Variants in EEA1 observed in about 807,000 individuals in gnomAD.
EEA1 encodes early endosome antigen 1, 162kD.
A neutral mutation model predicts 209.2 loss-of-function variants in EEA1; 111 were observed. The ratio of observed to expected loss-of-function variants is 0.53; its 90% CI spans 0.45 to 0.62. The LOEUF is 0.62. EEA1 is among the 20% of genes least tolerant of loss of function. The pLI is 0.00. For synonymous variants in EEA1, 536 were observed against 540.6 expected (o/e 0.99, Z 0.12); for missense variants, 1,343 against 1,530.8 (o/e 0.88, Z 2.05).
intron 1 of EEA1, among the ~76,000 whole-genome samples, chr12:92,897,887 TTTAA>T (rs1354566872): frequency 2.0e-5 from 3 of 152,214 alleles, no homozygotes; most frequent in Admixed American, 1.3e-4. Context: ...TAAAATATTT[TTTAA>T]TTAAAGTATC....
In EEA1 at chr12:92,929,274, T is replaced by G; in HGVS notation, c.-208A>C. 2.6e-6 allele frequency: 1 copy of G among 387,376 alleles called. No individual in the cohort carries two copies. The allele number at this position is 387,376 out of a possible 1,614,324, so 24.0% of individuals were successfully genotyped here. ...ACGCGAGAGAGAGCGAGCGAACGAC[T>G]AGGCAGCCTGCGAGCGCCTCCAGCC... On this transcript the variant is annotated 5_prime_UTR_variant, in exon 1 of 29. Coordinates refer to ENST00000322349, the MANE Select transcript of EEA1 (RefSeq NM_003566.4).
intron 2 of EEA1, among the ~76,000 whole-genome samples, chr12:92,874,932 A>G (rs1878816204): frequency 6.6e-6 from 1 of 152,228 alleles, no homozygotes; most frequent in Non-Finnish European, 1.5e-5. Context: ...CAACATACAT[A>G]TGTATTGAAC....
At chr12:92,802,839 GT>G in intron 18 of EEA1, 105 bp from the exon 19 acceptor site, 1 of 867,452 alleles carries the variant, frequency 1.2e-6, no homozygotes, top group South Asian at 1.9e-5. Context: ...AAACTTTTTT[GT>G]ATAGTTCACA....
intron 2 of EEA1, 82 bp from the exon 3 acceptor site, chr12:92,865,069 A>C: frequency 8.8e-7 from 1 of 1,137,514 alleles, no homozygotes; most frequent in South Asian, 1.9e-5. Flanking sequence ...AATATCACCA[A>C]ATGTCTGAAT....
At chr12:92,859,651 G>A (rs531139345) in intron 3 of EEA1, among the ~76,000 whole-genome samples, 39 of 152,300 alleles carry the variant, frequency 2.6e-4, no homozygotes, top group African/African-American at 9.4e-4. Flanking sequence ...AAACAACACT[G>A]TAGTAAATAA....
chr12:92,841,817 G>T (rs4760499), intron 10 of EEA1, among the ~76,000 whole-genome samples: 39,265 of 152,058 alleles, frequency 0.26, 5,572 homozygotes, highest in Non-Finnish European at 0.32. Flanking sequence ...AAATTAGTAT[G>T]GCAGTTCCTC....
intron 22 of EEA1, among the ~76,000 whole-genome samples, chr12:92,787,319 C>G (rs73362417): frequency 0.017 from 2,580 of 152,184 alleles, 32 homozygotes; most frequent in East Asian, 0.04. Context: ...TTACCCTTTT[C>G]CCATTATCCT....
At chr12:92,928,745 G>C (rs1881306941) in intron 1 of EEA1, among the ~76,000 whole-genome samples, 1 of 152,106 alleles carries the variant, frequency 6.6e-6, no homozygotes, top group Admixed American at 6.5e-5. Flanking sequence ...GTTCCCGGGA[G>C]GAACGCGCCG....
chr12:92,902,586 C>G (rs1478516658), intron 1 of EEA1, among the ~76,000 whole-genome samples: 4 of 151,938 alleles, frequency 2.6e-5, no homozygotes, highest in Non-Finnish European at 1.5e-5. Flanking sequence ...ACTAAAAACA[C>G]AAAAATTAGC....
intron 9 of EEA1, among the ~76,000 whole-genome samples, chr12:92,844,685 CTA>C (rs1439942570): frequency 6.6e-6 from 1 of 151,980 alleles, no homozygotes; most frequent in Non-Finnish European, 1.5e-5. Context: ...TTTTAACTCA[CTA>C]TGTTTTAATC....
chr12:92,819,505 A>C lies in EEA1; in HGVS notation c.1531T>G (p.Leu511Val). Residue 511 changes from leucine (L) to valine (V), a missense_variant, in exon 14 of 29, where the codon TTG becomes GTG. Physicochemically the swap from Leu to Val is conservative, Grantham distance 32 (BLOSUM62 1). Coordinates refer to ENST00000322349, the MANE Select transcript of EEA1 (RefSeq NM_003566.4). ...TAKLREAQND[L>V]EQVLRQIGDK... is the part of the protein sequence containing the mutation. The stretch of plus-strand genomic sequence containing the variant: ...CCAATTTGACGTAGAACTTGTTCCA[A>C]ATCATTCTGTAAAGAATTGAAAACT... 2 of 1,591,570 alleles carry C rather than the reference A, an allele frequency of 1.3e-6. No homozygotes were observed. The highest frequency in any genetic ancestry group is 1.7e-6 in the Non-Finnish European group (2 of 1,171,094).
At chr12:92,859,548 G>A (rs780118593) in intron 3 of EEA1, among the ~76,000 whole-genome samples, 6 of 151,696 alleles carry the variant, frequency 4.0e-5, no homozygotes, top group East Asian at 1.9e-4. Flanking sequence ...AATAATCTTC[G>A]GTGTTTTGTT....
chr12:92,779,372 G>T (rs184172523), intron 24 of EEA1, 72 bp from the exon 25 acceptor site: 2 of 1,380,596 alleles, frequency 1.4e-6, no homozygotes, highest in Admixed American at 5.9e-5. Context: ...TAAAATTTAT[G>T]CAATTTATCA....
At chr12:92,820,331 A>G (rs2136682097) in intron 13 of EEA1, among the ~76,000 whole-genome samples, 1 of 152,318 alleles carries the variant, frequency 6.6e-6, no homozygotes, top group Non-Finnish European at 1.5e-5. Flanking sequence ...ACACAGACCC[A>G]GCAACCATGT....
chr12:92,808,600 A>G (rs1875330350), intron 18 of EEA1, among the ~76,000 whole-genome samples: 1 of 152,068 alleles, frequency 6.6e-6, no homozygotes, highest in African/African-American at 2.4e-5. Flanking sequence ...CAGGCTGAGA[A>G]GATCACTTCT....
At chr12:92,788,106 A>G in intron 21 of EEA1, 57 bp from the exon 22 acceptor site, 1 of 1,385,220 alleles carries the variant, frequency 7.2e-7, no homozygotes, top group Middle Eastern at 2.2e-4. Flanking sequence ...AATTACAAAT[A>G]TAAAGTAAAA....
At chr12:92,782,294 T>C (rs1184070886) in intron 22 of EEA1, among the ~76,000 whole-genome samples, 159 bp from the exon 23 acceptor site, 1 of 152,206 alleles carries the variant, frequency 6.6e-6, no homozygotes, top group African/African-American at 2.4e-5. Flanking sequence ...TTCTAAAATA[T>C]TAACTCTCTT....
chr12:92,816,994 G>A (rs1392966344), intron 14 of EEA1, among the ~76,000 whole-genome samples: 2 of 150,712 alleles, frequency 1.3e-5, no homozygotes, highest in Non-Finnish European at 2.9e-5. Flanking sequence ...GATGTACCTT[G>A]CTTTTGAGTT....
Position 92,801,634 on chromosome 12 carries a change from T to G in EEA1, c.2738A>C (p.Lys913Thr). 1 of 1,597,488 alleles carries G rather than the reference T, an allele frequency of 6.3e-7. No homozygotes were observed. The highest frequency in any genetic ancestry group is 8.5e-7 in the Non-Finnish European group (1 of 1,174,574). The change falls in exon 20 of 29, where the codon AAG becomes ACG. Residue 913 changes from lysine to threonine, a missense_variant. Lys to Thr is a moderately conservative substitution (Grantham distance 78). Around this residue, in one of 3 missense-constraint regions of EEA1, gnomAD observed 1,307 missense variants for 1,465.5 expected, o/e 0.89. Coordinates refer to ENST00000322349, the MANE Select transcript of EEA1 (RefSeq NM_003566.4). ...TTTTTCAAGTGACTTTTTCAGTTCC[T>G]TCTGTTCCTTAAGTGTGTTTTCCAT... ...VQMENTLKEQKELKKSLEKEK... is the reference protein window; with the variant it reads ...VQMENTLKEQTELKKSLEKEK...
Sources: allele counts gnomAD v4.1 joint callset (sites outside exome capture counted in the v4.1 genomes callset), GRCh38; gene constraint gnomAD v4.1.1; regional missense constraint gnomAD v4.1.1; transcripts MANE v1.5; gene names NCBI Gene and HGNC (gene_info 2026-07-23, HGNC 2026-07-21).